DGLUCY: variants seen among roughly 807,000 people sequenced by gnomAD.
DGLUCY encodes D-glutamate cyclase, also known as D-glutamate cyclase, mitochondrial.
In DGLUCY, 58 loss-of-function variants were observed where a neutral mutation model predicts 58.5. The observed-to-expected ratio is 0.99, with a 90% CI of 0.80 to 1.23. The LOEUF (loss-of-function observed/expected upper bound fraction) is 1.23, where lower values mean the gene tolerates loss of function less well. Among genes scored for constraint, DGLUCY ranks in the 50% most tolerant of loss-of-function variants. DGLUCY has a pLI of 0.00. For missense variants in DGLUCY, 779 were observed against 784.7 expected, an observed-to-expected ratio of 0.99 and a Z score of 0.09; for synonymous variants, 325 against 314.1, an observed-to-expected ratio of 1.03 and a Z score of -0.37.
rs1886422062 is a variant in DGLUCY at position 91,215,745 on chromosome 14, T to C, written c.1716+189T>C. ...TTAAGCTACTCGCAGTTCTGAATCG[T>C]GTGGCAGGCCTGATCCAAGTGACCA... On this transcript the variant is annotated intron_variant, in intron 13 of 13. Coordinates refer to ENST00000256324, the MANE Select transcript of DGLUCY (RefSeq NM_001102368.3). 2.7e-6 allele frequency: 4 copies of C among 1,470,556 alleles called. No homozygotes were observed. The East Asian group carries it at 1.0e-4, about 38-fold the overall frequency. 91.1% of individuals were successfully genotyped at this position (1,470,556 alleles called of 1,614,324 possible).
intron 1 of DGLUCY, among the ~76,000 whole-genome samples, chr14:91,062,561 ATATATATATATATAT>A (rs1566925429): frequency 0.011 from 53 of 4,970 alleles, 5 homozygotes; most frequent in African/African-American, 0.02. Flanking sequence ...AAAAAAAAAT[ATATATATATATATAT>A]ATATATATAT....
At position 91,174,313 on chromosome 14, in the gene DGLUCY, T is replaced by A. The variant is rs139287196; in HGVS notation, c.607+874T>A. Among the ~76,000 whole-genome samples the A allele has an allele frequency of 9.5e-4, 145 of 152,274 alleles. No individual in the cohort carries two copies. The East Asian group carries it at 0.016, about 17-fold the overall frequency. ...TTTAATTTAATTAAATTAATTAATT[T>A]ATTTATTTTTGAGACACAGTTTCCC... is the stretch of plus-strand genomic sequence containing the variant. On this transcript the variant is annotated intron_variant, in intron 6 of 13. Transcript: ENST00000256324.
intron 3 of DGLUCY, among the ~76,000 whole-genome samples, chr14:91,164,122 G>C (rs2048144015): frequency 6.6e-6 from 1 of 152,020 alleles, no homozygotes; most frequent in Non-Finnish European, 1.5e-5. Context: ...GCTAATTTTT[G>C]TATTTTTAGT....
At chr14:91,134,626 C>T (rs1302480388) in intron 1 of DGLUCY, among the ~76,000 whole-genome samples, 1 of 151,954 alleles carries the variant, frequency 6.6e-6, no homozygotes, top group Non-Finnish European at 1.5e-5. Context: ...TTAGTAGAGA[C>T]AGGGTTTCGC....
chr14:91,069,046 A>G (rs1053049254), intron 1 of DGLUCY, among the ~76,000 whole-genome samples: 1 of 152,224 alleles, frequency 6.6e-6, no homozygotes, highest in Non-Finnish European at 1.5e-5. Flanking sequence ...AGAGTCATTG[A>G]GTTATATTAA....
At chr14:91,096,746 C>G (rs932212436) in intron 1 of DGLUCY, among the ~76,000 whole-genome samples, 1 of 152,152 alleles carries the variant, frequency 6.6e-6, no homozygotes, top group Non-Finnish European at 1.5e-5. Context: ...TACATTCAGC[C>G]TGAGGCTGAC....
chr14:91,144,799 G>A (rs1026708936), intron 1 of DGLUCY, among the ~76,000 whole-genome samples: 2 of 152,162 alleles, frequency 1.3e-5, no homozygotes, highest in Non-Finnish European at 2.9e-5. Context: ...AAAAAGGCAG[G>A]AAGGCACAAG....
At chr14:91,128,557 C>T (rs1450278540) in intron 1 of DGLUCY, among the ~76,000 whole-genome samples, 1 of 151,910 alleles carries the variant, frequency 6.6e-6, no homozygotes, top group African/African-American at 2.4e-5. Context: ...TTGTATTAGC[C>T]TATATAACTG....
intron 13 of DGLUCY, among the ~76,000 whole-genome samples, chr14:91,218,550 G>A (rs534012887): frequency 5.9e-5 from 9 of 151,882 alleles, no homozygotes; most frequent in East Asian, 3.9e-4. Context: ...TTACAGGCGC[G>A]CACCACCACA....
intron 12 of DGLUCY, among the ~76,000 whole-genome samples, chr14:91,213,906 G>T (rs1267317174): frequency 6.6e-6 from 1 of 152,090 alleles, no homozygotes; most frequent in Admixed American, 6.6e-5. Flanking sequence ...CACCATGTTG[G>T]CCAGGCTGGT....
intron 3 of DGLUCY, 151 bp downstream of exon 3, chr14:91,160,548 A>G: frequency 3.2e-6 from 2 of 626,972 alleles, no homozygotes; most frequent in Non-Finnish European, 5.4e-6. Flanking sequence ...AGCTCTGGTC[A>G]CTATTTAACT....
chr14:91,158,122 C>G (rs2140334521), intron 2 of DGLUCY, among the ~76,000 whole-genome samples: 1 of 152,332 alleles, frequency 6.6e-6, no homozygotes, highest in African/African-American at 2.4e-5. Flanking sequence ...GCTAGGTCCT[C>G]TCTGCAGTGT....
intron 1 of DGLUCY, among the ~76,000 whole-genome samples, chr14:91,085,604 C>G (rs1488259002): frequency 6.8e-6 from 1 of 147,804 alleles, no homozygotes; most frequent in Non-Finnish European, 1.5e-5. Context: ...GAGTCTCACT[C>G]TATTCCCCAG....
intron 9 of DGLUCY, among the ~76,000 whole-genome samples, chr14:91,193,613 G>A (rs886634060): frequency 6.6e-5 from 10 of 152,174 alleles, no homozygotes; most frequent in African/African-American, 2.4e-4. Flanking sequence ...GGCCAAGGCA[G>A]GCAGATCACC....
intron 3 of DGLUCY, among the ~76,000 whole-genome samples, chr14:91,165,540 C>A (rs2048228441): frequency 6.6e-6 from 1 of 152,182 alleles, no homozygotes; most frequent in African/African-American, 2.4e-5. Flanking sequence ...AGGTCTTCTC[C>A]TGTAGCTCTG....
At chr14:91,148,435 A>C (rs1275806470) in intron 1 of DGLUCY, 1 of 151,596 alleles carries the variant, frequency 6.6e-6, no homozygotes, top group Non-Finnish European at 1.5e-5. Context: ...CGAACTCCTG[A>C]GCTCAAGCGA....
At chr14:91,113,235 G>A (rs1199306077), upstream of DGLUCY, among the ~76,000 whole-genome samples, 1 of 152,188 alleles carries the variant, frequency 6.6e-6, no homozygotes, top group African/African-American at 2.4e-5. Flanking sequence ...GGGAGGCAGA[G>A]GTTGCAGTGA....
intron 10 of DGLUCY, among the ~76,000 whole-genome samples, chr14:91,198,390 G>A (rs1311289087): frequency 1.4e-5 from 2 of 143,310 alleles, no homozygotes; most frequent in Non-Finnish European, 3.0e-5. Flanking sequence ...TGTCACCCAG[G>A]CTGGAGTGCA....
At chr14:91,135,487 T>C (rs1399027520) in intron 1 of DGLUCY, among the ~76,000 whole-genome samples, 1 of 151,852 alleles carries the variant, frequency 6.6e-6, no homozygotes, top group Non-Finnish European at 1.5e-5. Context: ...CCGTCTCTAC[T>C]AAAAATACAA....
Sources: gnomAD v4.1 joint callset for allele counts (sites outside exome capture counted in the v4.1 genomes callset) on GRCh38, gnomAD v4.1.1 for gene constraint, MANE v1.5 for transcripts, NCBI Gene and HGNC (gene_info 2026-07-23, HGNC 2026-07-21) for gene names.